TAB2: variants seen among roughly 807,000 people sequenced by gnomAD.
TAB2 encodes TGF-beta activated kinase 1 (MAP3K7) binding protein 2, also known as TGF-beta-activated kinase 1 and MAP3K7-binding protein 2.
TAB2 carries 3 observed loss-of-function variants against 65.0 expected under a neutral mutation model. The observed-to-expected ratio is 0.05, with a 90% CI of 0.02 to 0.12. TAB2 has a LOEUF of 0.12. Among genes scored for constraint, TAB2 ranks in the 10% least tolerant of loss-of-function variants. The pLI is 1.00. For synonymous variants in TAB2, 298 were observed against 285.1 expected, an observed-to-expected ratio of 1.05 and a Z score of -0.46; for missense variants, 623 against 840.3, an observed-to-expected ratio of 0.74 and a Z score of 3.20.
intron 1 of TAB2, among the ~76,000 whole-genome samples, chr6:149,296,752 T>C (rs775566314): frequency 6.6e-6 from 1 of 152,208 alleles, no homozygotes; most frequent in Non-Finnish European, 1.5e-5. Context: ...TCAAGGTAGA[T>C]AGTACTTTTA....
chr6:149,223,941 C>A (rs1288296043), intron 1 of TAB2, among the ~76,000 whole-genome samples: 1 of 152,044 alleles, frequency 6.6e-6, no homozygotes, highest in African/African-American at 2.4e-5. Flanking sequence ...AATAACTTTA[C>A]TTAAGTGAAT....
At chr6:149,360,280 A>T (rs1378435680) in intron 1 of TAB2, among the ~76,000 whole-genome samples, 1 of 152,182 alleles carries the variant, frequency 6.6e-6, no homozygotes, top group Non-Finnish European at 1.5e-5. Context: ...TAGAAAGAAT[A>T]AGGGTTTAAT....
At chr6:149,345,104 C>T (rs1366296526) in intron 1 of TAB2, among the ~76,000 whole-genome samples, 1 of 152,042 alleles carries the variant, frequency 6.6e-6, no homozygotes, top group African/African-American at 2.4e-5. Context: ...ATTAAACCAT[C>T]TCATTGGTAG....
rs73613069 is a variant in TAB2, at chr6:149,354,608, G to A, written c.-89-15301G>A. ...TGAAGAGTAAATCTCCCTTAATTGCGTTCCCTAGAGGCAGCCAGTGTTACC... is the reference window on the plus strand; with the variant it reads ...TGAAGAGTAAATCTCCCTTAATTGCATTCCCTAGAGGCAGCCAGTGTTACC... On this transcript the variant is annotated intron_variant, in intron 1 of 6. Coordinates refer to ENST00000637181, the MANE Select transcript of TAB2 (RefSeq NM_001292034.3). Among the ~76,000 whole-genome samples the A allele has an allele frequency of 5.1e-3, 783 of 152,088 alleles. 6 individuals carry two copies. Among genetic ancestry groups the A allele is most frequent in the African/African-American group, 0.018 (745 of 41,470 alleles).
intron 1 of TAB2, among the ~76,000 whole-genome samples, chr6:149,368,308 G>T (rs1228819455): frequency 6.6e-6 from 1 of 152,056 alleles, no homozygotes; most frequent in Admixed American, 6.6e-5. Flanking sequence ...CTCACCATTG[G>T]GTTTCATAAA....
intron 1 of TAB2, among the ~76,000 whole-genome samples, chr6:149,287,471 C>T (rs1206614997): frequency 9.2e-6 from 1 of 108,572 alleles, no homozygotes; most frequent in East Asian, 2.7e-4. Context: ...AACAAGCAAA[C>T]TTTGTTTTCT....
intron 1 of TAB2, among the ~76,000 whole-genome samples, chr6:149,275,268 G>A (rs1381561747): frequency 6.8e-6 from 1 of 148,116 alleles, no homozygotes; most frequent in Non-Finnish European, 1.5e-5. Flanking sequence ...AAGAAAGAAA[G>A]AAAGAAAGAA....
At chr6:149,283,036 A>G (rs1042200173) in intron 1 of TAB2, among the ~76,000 whole-genome samples, 4 of 152,342 alleles carry the variant, frequency 2.6e-5, no homozygotes, top group Admixed American at 2.0e-4. Context: ...AAGATTCACA[A>G]GTGGCTAACT....
intron 1 of TAB2, chr6:149,342,733 G>A (rs1780168709): frequency 6.6e-6 from 1 of 152,154 alleles, no homozygotes; most frequent in Non-Finnish European, 1.5e-5. Context: ...GTATCCCGTA[G>A]AGATGAGCTC....
chr6:149,290,734 A>G (rs540340146), intron 1 of TAB2, among the ~76,000 whole-genome samples: 38 of 152,172 alleles, frequency 2.5e-4, no homozygotes, highest in Non-Finnish European at 5.3e-4. Flanking sequence ...GGTCCTAGCT[A>G]CTCAGGAGGC....
At chr6:149,302,994 A>C (rs899052726) in intron 1 of TAB2, among the ~76,000 whole-genome samples, 4 of 152,174 alleles carry the variant, frequency 2.6e-5, no homozygotes, top group African/African-American at 9.7e-5. Flanking sequence ...TTCTTATAGG[A>C]GCACGAACCC....
At position 149,361,098 on chromosome 6, in the gene TAB2, T is replaced by G. The variant is rs1780832456; in HGVS notation, c.-89-8811T>G. On this transcript the variant is annotated intron_variant, in intron 1 of 6. Coordinates refer to ENST00000637181, the MANE Select transcript of TAB2 (RefSeq NM_001292034.3). Reference sequence around the variant, plus strand: ...TAAGCTGCTGGTGGACCTAACATTCTAGGGTCTGGAGGACGGGGGTCCCTT... The same window carrying G: ...TAAGCTGCTGGTGGACCTAACATTCGAGGGTCTGGAGGACGGGGGTCCCTT... Among the ~76,000 whole-genome samples, 3 of 152,206 alleles carry G rather than the reference T, an allele frequency of 2.0e-5. No individual in the cohort carries two copies. In the South Asian group the frequency reaches 6.2e-4, roughly 31 times the overall value.
chr6:149,403,261 T>TACAC (rs1782516294), intron 6 of TAB2, among the ~76,000 whole-genome samples: 2 of 37,434 alleles, frequency 5.3e-5, no homozygotes, highest in African/African-American at 3.3e-4. Flanking sequence ...TATATATATA[T>TACAC]ATATATATAT....
intron 1 of TAB2, among the ~76,000 whole-genome samples, chr6:149,261,438 T>C (rs1280512890): frequency 6.6e-6 from 1 of 152,224 alleles, no homozygotes; most frequent in East Asian, 1.9e-4. Flanking sequence ...AGAACTATTT[T>C]AAAAAGCATG....
chr6:149,254,097 GGA>G (rs1562389672), intron 1 of TAB2, among the ~76,000 whole-genome samples: 1 of 142,668 alleles, frequency 7.0e-6, no homozygotes, highest in East Asian at 2.1e-4. Flanking sequence ...AAGGAAGGAA[GGA>G]AGGAAGGAAG....
intron 1 of TAB2, among the ~76,000 whole-genome samples, chr6:149,231,862 G>C (rs1777412009): frequency 6.6e-6 from 1 of 152,112 alleles, no homozygotes; most frequent in South Asian, 2.1e-4. Flanking sequence ...TCACAACTTT[G>C]GAAGCAAAAA....
At chr6:149,227,501 G>A (rs970510725) in intron 1 of TAB2, among the ~76,000 whole-genome samples, 6 of 151,710 alleles carry the variant, frequency 4.0e-5, no homozygotes, top group Admixed American at 2.0e-4. Context: ...AAATGCCCAC[G>A]ATGCCAGGCC....
At chr6:149,223,064 C>A (rs149461347) in intron 1 of TAB2, among the ~76,000 whole-genome samples, 2 of 152,222 alleles carry the variant, frequency 1.3e-5, no homozygotes, top group South Asian at 2.1e-4. Flanking sequence ...TAAAAAAATT[C>A]TTTTTTGTTA....
Position 149,379,382 on chromosome 6 carries a change from T to G in TAB2, c.1467T>G (p.Asn489Lys), listed in dbSNP as rs1180317399. ...GVVSPTFELT[N>K]LLNHPDHYVE... ...TGTCCCCTACCTTTGAACTTACAAA[T>G]CTTCTTAATCATCCTGATCATTATG... Residue 489 changes from asparagine to lysine, a missense_variant, in exon 3 of 7, where the codon AAT becomes AAG. By Grantham distance (94) the Asn-to-Lys change is moderately conservative. This residue lies in a region of TAB2 where 550 missense variants were observed against 665.7 expected (regional missense o/e 0.83). Transcript: ENST00000637181. 1.1e-5 allele frequency: 17 copies of G among 1,614,060 alleles called. No individual in the cohort carries two copies. Among genetic ancestry groups the G allele is most frequent in the Non-Finnish European group, 1.3e-5 (15 of 1,180,038 alleles).
Sources: allele counts gnomAD v4.1 joint callset (sites outside exome capture counted in the v4.1 genomes callset), GRCh38; gene constraint gnomAD v4.1.1; regional missense constraint gnomAD v4.1.1; transcripts MANE v1.5; gene names NCBI Gene and HGNC (gene_info 2026-07-23, HGNC 2026-07-21).